CPAMD8: variants seen among roughly 807,000 people sequenced by gnomAD.
CPAMD8 encodes the protein C3 and PZP like alpha-2-macroglobulin domain containing 8.
CPAMD8 carries 146 observed loss-of-function variants against 224.7 expected under a neutral mutation model. The ratio of observed to expected loss-of-function variants is 0.65; its 90% confidence interval spans 0.57 to 0.75. The LOEUF (loss-of-function observed/expected upper bound fraction) is 0.75, where lower values mean the gene tolerates loss of function less well. Ranked by LOEUF, CPAMD8 falls within the 30% of genes least tolerant of loss-of-function variation. CPAMD8 has a pLI of 0.00. For missense variants in CPAMD8, 2,301 were observed against 2,537.5 expected, an observed-to-expected ratio of 0.91 and a Z score of 2.00; for synonymous variants, 966 against 1,044.6, an observed-to-expected ratio of 0.92 and a Z score of 1.45.
At chr19:17,017,618 C>T (rs889545781) in intron 3 of CPAMD8, among the ~76,000 whole-genome samples, 3 of 152,202 alleles carry the variant, frequency 2.0e-5, no homozygotes, top group South Asian at 4.1e-4. Context: ...TGGCACCGCC[C>T]AGCCCCAACC....
chr19:16,918,316 T>C (rs567955290), intron 27 of CPAMD8, among the ~76,000 whole-genome samples: 43 of 152,284 alleles, frequency 2.8e-4, no homozygotes, highest in Admixed American at 1.0e-3. Flanking sequence ...CTTTAAAGCA[T>C]GTCTTGATTA....
intron 18 of CPAMD8, among the ~76,000 whole-genome samples, chr19:16,959,800 A>G (rs2054592092): frequency 6.6e-6 from 1 of 152,094 alleles, no homozygotes; most frequent in Non-Finnish European, 1.5e-5. Context: ...CAGCCTCTCA[A>G]AGTGGTGGTA....
At chr19:16,908,270 C>A (rs1599673992) in intron 29 of CPAMD8, among the ~76,000 whole-genome samples, 1 of 151,664 alleles carries the variant, frequency 6.6e-6, no homozygotes, top group Non-Finnish European at 1.5e-5. Context: ...GAGGCAGGCA[C>A]AAGAATCCCT....
chr19:16,901,413 G>A (rs2052253271), intron 35 of CPAMD8, 116 bp from the exon 36 acceptor site: 3 of 732,692 alleles, frequency 4.1e-6, no homozygotes, highest in Non-Finnish European at 7.1e-6. Flanking sequence ...CTGCCCTGGG[G>A]CCTGGCCGGC....
chr19:16,930,198 T>C (rs1378348266), intron 23 of CPAMD8, among the ~76,000 whole-genome samples: 1 of 150,498 alleles, frequency 6.6e-6, no homozygotes, highest in African/African-American at 2.5e-5. Flanking sequence ...GAGGTTTCAG[T>C]GAGCTGAGAT....
At chr19:16,990,112 G>C (rs1040078688) in intron 12 of CPAMD8, among the ~76,000 whole-genome samples, 2 of 151,972 alleles carry the variant, frequency 1.3e-5, no homozygotes, top group African/African-American at 4.8e-5. Context: ...AAATTAGCCA[G>C]GAGTAGTGGC....
In CPAMD8 at chr19:16,976,075, C is replaced by T. The variant is rs746321386; in HGVS notation, c.1835G>A (p.Ser612Asn). Reference sequence around the variant, plus strand: ...ATCAACTGCGGCGACGCACACACAGCTGCCCCTTGCAGCCCTGATCCGCAG... The same window carrying T: ...ATCAACTGCGGCGACGCACACACAGTTGCCCCTTGCAGCCCTGATCCGCAG... ...VDLRIRAARG[S>N]CVCVAAVDKS... The change falls in exon 16 of 42, where the codon AGC becomes AAC. Residue 612 changes from serine to asparagine, a missense_variant. Coordinates refer to ENST00000443236, the MANE Select transcript of CPAMD8 (RefSeq NM_015692.5). 8 of 1,612,704 alleles carry T rather than the reference C, an allele frequency of 5.0e-6. No homozygotes were observed. Among genetic ancestry groups the T allele is most frequent in the Non-Finnish European group, 6.8e-6 (8 of 1,179,210 alleles).
In CPAMD8 at chr19:16,990,050, G is replaced by A. The variant is rs535176631; in HGVS notation, c.1267-279C>T. 1.1e-4 allele frequency among the ~76,000 whole-genome samples: 16 copies of A among 152,148 alleles called. No individual in the cohort carries two copies. In the South Asian group the frequency reaches 2.1e-3, roughly 20 times the overall value. On this transcript the variant is annotated intron_variant, in intron 12 of 41. Coordinates refer to ENST00000443236, the MANE Select transcript of CPAMD8 (RefSeq NM_015692.5). ...GTGGATCACCTGAGGCCAGGAGTTC[G>A]AGACCAGCCTGGCCAACATGGAGAA...
At chr19:16,917,966 T>G (rs1331925028) in intron 27 of CPAMD8, among the ~76,000 whole-genome samples, 1 of 152,142 alleles carries the variant, frequency 6.6e-6, no homozygotes, top group Non-Finnish European at 1.5e-5. Flanking sequence ...TAGTTGCATA[T>G]AACCGACACA....
At chr19:17,003,913 CTT>C (rs572893226) in intron 8 of CPAMD8, among the ~76,000 whole-genome samples, 2 of 145,160 alleles carry the variant, frequency 1.4e-5, no homozygotes, top group African/African-American at 2.5e-5. Context: ...TTTTCTTTTT[CTT>C]TTTTTTTTTG....
At chr19:16,933,156 A>C (rs2053592621) in intron 23 of CPAMD8, among the ~76,000 whole-genome samples, 1 of 152,198 alleles carries the variant, frequency 6.6e-6, no homozygotes, top group South Asian at 2.1e-4. Flanking sequence ...GCAGAAACAT[A>C]AACTTTGATG....
chr19:16,938,334 G>A, intron 23 of CPAMD8, 61 bp downstream of exon 23: 2 of 894,284 alleles, frequency 2.2e-6, no homozygotes, highest in African/African-American at 1.8e-5. Context: ...AAAGGGGGAA[G>A]GCCAAAGTCC....
intron 13 of CPAMD8, among the ~76,000 whole-genome samples, chr19:16,985,495 C>T (rs1206296728): frequency 2.3e-5 from 3 of 131,080 alleles, no homozygotes; most frequent in Admixed American, 7.6e-5. Context: ...GAAGGGCAGA[C>T]GGAAGGATGG....
At chr19:16,932,550 T>C (rs1276177443) in intron 23 of CPAMD8, among the ~76,000 whole-genome samples, 2 of 148,944 alleles carry the variant, frequency 1.3e-5, no homozygotes, top group Non-Finnish European at 2.9e-5. Flanking sequence ...AAGAATTCAT[T>C]AAATGAAATA....
intron 20 of CPAMD8, among the ~76,000 whole-genome samples, chr19:16,950,423 G>A (rs2054261343): frequency 1.3e-5 from 2 of 152,048 alleles, no homozygotes; most frequent in Admixed American, 1.3e-4. Context: ...TCGCTCCAAG[G>A]TTGAGCTTGG....
At position 16,967,891 on chromosome 19, in the gene CPAMD8, A is replaced by ATATATGTGCATATATACACACATG. The variant is rs1568540018; in HGVS notation, c.2213+2999_2213+3000insCATGTGTGTATATATGCACATATA. Among the ~76,000 whole-genome samples, 10 of 25,922 alleles carry ATATATGTGCATATATACACACATG rather than the reference A, an allele frequency of 3.9e-4. 1 individual carries two copies. Among genetic ancestry groups the ATATATGTGCATATATACACACATG allele is most frequent in the African/African-American group, 6.1e-4 (10 of 16,524 alleles). The allele number at this position is 25,922 out of a possible 152,430, so 17.0% of individuals were successfully genotyped here. ...TATATATGTGCATATATACACACAC[A>ATATATGTGCATATATACACACATG]TGTGTGTGTATATATGTGCATATAT... On this transcript the variant is annotated intron_variant, in intron 18 of 41. Coordinates refer to ENST00000443236, the MANE Select transcript of CPAMD8 (RefSeq NM_015692.5).
chr19:16,946,903 C>G (rs942665731), intron 21 of CPAMD8, among the ~76,000 whole-genome samples, 171 bp downstream of exon 21: 3 of 152,188 alleles, frequency 2.0e-5, no homozygotes, highest in African/African-American at 7.2e-5. Flanking sequence ...CCCCACTCCT[C>G]CTGGGCCCAT....
intron 18 of CPAMD8, among the ~76,000 whole-genome samples, chr19:16,961,032 T>A (rs577483351): frequency 9.2e-5 from 14 of 152,004 alleles, no homozygotes; most frequent in Admixed American, 9.2e-4. Flanking sequence ...GTTAAAAAAA[T>A]ATGTTGGGGC....
intron 17 of CPAMD8, among the ~76,000 whole-genome samples, chr19:16,972,023 G>A (rs993779973): frequency 2.6e-5 from 4 of 152,028 alleles, no homozygotes. Flanking sequence ...CTCCAGCCTG[G>A]GCAATAGAGC....
Sources: gnomAD v4.1 joint callset for allele counts (sites outside exome capture counted in the v4.1 genomes callset) on GRCh38, gnomAD v4.1.1 for gene constraint, MANE v1.5 for transcripts, NCBI Gene and HGNC (gene_info 2026-07-23, HGNC 2026-07-21) for gene names.